LOC128092252: variants seen among roughly 807,000 people sequenced by gnomAD.
At chr15:50,684,589 CGA>C in the LOC128092252 span, among the ~76,000 whole-genome samples, 1 of 151,482 alleles carries the variant, frequency 6.6e-6, no homozygotes, top group African/African-American at 2.4e-5. Flanking sequence ...TGCAGTCAGC[CGA>C]GATCGCTACA....
the LOC128092252 span, among the ~76,000 whole-genome samples, chr15:50,650,815 G>C: frequency 4.6e-5 from 7 of 152,218 alleles, no homozygotes; most frequent in African/African-American, 1.7e-4. Context: ...GCTATAGCAA[G>C]TCTAAAACTC....
chr15:50,658,057 T>A, the LOC128092252 span, among the ~76,000 whole-genome samples: 53 of 149,026 alleles, frequency 3.6e-4, 1 homozygote, highest in East Asian at 9.6e-3. Flanking sequence ...CAGGCTGGAG[T>A]CCAATGGCGC....
the LOC128092252 span, among the ~76,000 whole-genome samples, chr15:50,683,848 C>T: frequency 2.6e-5 from 4 of 152,014 alleles, no homozygotes; most frequent in Non-Finnish European, 5.9e-5. Context: ...TGAGTATTGT[C>T]AAAGTATGAA....
the LOC128092252 span, among the ~76,000 whole-genome samples, chr15:50,659,176 G>A: frequency 6.7e-6 from 1 of 148,716 alleles, no homozygotes; most frequent in East Asian, 2.0e-4. Context: ...CTGGATGACA[G>A]AGCGAGACTC....
chr15:50,657,214 C>T, the LOC128092252 span, among the ~76,000 whole-genome samples: 1 of 152,104 alleles, frequency 6.6e-6, no homozygotes, highest in Non-Finnish European at 1.5e-5. Context: ...ATCCCAGCTA[C>T]TCGGGAGGCT....
the LOC128092252 span, among the ~76,000 whole-genome samples, chr15:50,684,973 G>A: frequency 6.6e-6 from 1 of 152,004 alleles, no homozygotes; most frequent in African/African-American, 2.4e-5. Flanking sequence ...ATAATATTGT[G>A]GTTATGTTAA....
the LOC128092252 span, among the ~76,000 whole-genome samples, chr15:50,681,350 G>A: frequency 6.6e-6 from 1 of 151,768 alleles, no homozygotes; most frequent in Non-Finnish European, 1.5e-5. Flanking sequence ...ATGCAAAAAT[G>A]TGCCTAAAGC....
chr15:50,657,724 A>AT, the LOC128092252 span: 1 of 1,448,220 alleles, frequency 6.9e-7, no homozygotes, highest in Non-Finnish European at 9.6e-7. Flanking sequence ...CATATTTCTA[A>AT]TAGATTAGTT....
At chr15:50,679,538 A>ATATATATATATATTTTT in the LOC128092252 span, among the ~76,000 whole-genome samples, 2 of 43,904 alleles carry the variant, frequency 4.6e-5, no homozygotes, top group African/African-American at 2.1e-4. Context: ...ATATATATAT[A>ATATATATATATATTTTT]TTTTTTTTTT....
At chr15:50,679,522 AT>A in the LOC128092252 span, among the ~76,000 whole-genome samples, 5 of 23,324 alleles carry the variant, frequency 2.1e-4, 1 homozygote, top group African/African-American at 6.8e-4. Context: ...ATATATATAT[AT>A]ATATATATAT....
the LOC128092252 span, among the ~76,000 whole-genome samples, chr15:50,668,489 T>G: frequency 6.6e-6 from 1 of 152,124 alleles, no homozygotes; most frequent in African/African-American, 2.4e-5. Context: ...ACTCTTAACT[T>G]ATGGCAATAG....
the LOC128092252 span, among the ~76,000 whole-genome samples, chr15:50,656,686 A>G: frequency 6.6e-6 from 1 of 151,830 alleles, no homozygotes; most frequent in African/African-American, 2.4e-5. Context: ...AAACTCTTCA[A>G]TATATCTAAA....
chr15:50,650,500 G>C, the LOC128092252 span, among the ~76,000 whole-genome samples: 9 of 152,072 alleles, frequency 5.9e-5, no homozygotes, highest in East Asian at 1.8e-3. Flanking sequence ...CTCTAGACCA[G>C]CCTGACCAAT....
chr15:50,663,270 A>G, the LOC128092252 span, among the ~76,000 whole-genome samples: 1 of 152,130 alleles, frequency 6.6e-6, no homozygotes, highest in African/African-American at 2.4e-5. Context: ...CTGGCAGTAC[A>G]GGCATGTGCC....
chr15:50,651,754 G>C, the LOC128092252 span, among the ~76,000 whole-genome samples: 1 of 152,144 alleles, frequency 6.6e-6, no homozygotes. Context: ...GCTGGGCGTC[G>C]TGGCAGTCGC....
chr15:50,650,703 CA>C, the LOC128092252 span, among the ~76,000 whole-genome samples: 1 of 148,276 alleles, frequency 6.7e-6, no homozygotes, highest in African/African-American at 2.5e-5. Flanking sequence ...TCAAAAAAAA[CA>C]AAAAAAAACA....
the LOC128092252 span, among the ~76,000 whole-genome samples, chr15:50,679,558 CAG>C: frequency 2.3e-5 from 2 of 88,752 alleles, no homozygotes; most frequent in Middle Eastern, 8.3e-3. Flanking sequence ...TTTTTTGAGA[CAG>C]AGTCTTGTTT....
the LOC128092252 span, among the ~76,000 whole-genome samples, chr15:50,684,328 T>C: frequency 1.3e-5 from 2 of 152,092 alleles, no homozygotes; most frequent in African/African-American, 4.8e-5. Flanking sequence ...TTAGATTAAC[T>C]ACTAACTAGT....
chr15:50,675,547 C>T, the LOC128092252 span, among the ~76,000 whole-genome samples: 3 of 152,236 alleles, frequency 2.0e-5, no homozygotes, highest in South Asian at 2.1e-4. Flanking sequence ...CATACCCCAG[C>T]TGAAAGTTGT....
Sources: allele counts gnomAD v4.1 joint callset (sites outside exome capture counted in the v4.1 genomes callset), GRCh38; gene constraint gnomAD v4.1.1; transcripts MANE v1.5.